Variants in TTLL7 observed in about 807,000 individuals in gnomAD.
TTLL7 encodes the protein tubulin tyrosine ligase like 7, also known as tubulin polyglutamylase TTLL7.
In TTLL7, 53 loss-of-function variants were observed where a neutral mutation model predicts 120.2. The observed-to-expected ratio is 0.44, with a 90% CI of 0.35 to 0.55. The LOEUF is 0.55. Ranked by LOEUF, TTLL7 falls within the 20% of genes least tolerant of loss-of-function variation. The probability of loss-of-function intolerance (pLI) is 0.00; values close to 1 mark genes in which losing one functional copy is unlikely to be tolerated. For synonymous variants in TTLL7, 353 were observed against 351.7 expected (o/e 1.00, Z -0.04); for missense variants, 803 against 1,054.7 (o/e 0.76, Z 3.31).
At chr1:83,899,683 G>A (rs758232737) in intron 18 of TTLL7, among the ~76,000 whole-genome samples, 3 of 151,720 alleles carry the variant, frequency 2.0e-5, no homozygotes, top group Admixed American at 6.6e-5. Context: ...CAAATACATC[G>A]CAAGCACAAA....
chr1:83,873,205 C>T lies in TTLL7; in HGVS notation c.2544-3123G>A, dbSNP rs369018634. 3.9e-5 allele frequency among the ~76,000 whole-genome samples: 6 copies of T among 152,110 alleles called. No homozygotes were observed. The South Asian group carries it at 8.3e-4, about 21-fold the overall frequency. On this transcript the variant is annotated intron_variant, in intron 20 of 20. Coordinates refer to ENST00000260505, the MANE Select transcript of TTLL7 (RefSeq NM_024686.6). ...TTTTATTAAGACTTGAAAAGAAGTT[C>T]GGCATGAACTAAAAAAAGCATATAA...
intron 9 of TTLL7, among the ~76,000 whole-genome samples, chr1:83,930,033 C>T (rs1365865725): frequency 1.3e-5 from 2 of 152,010 alleles, no homozygotes; most frequent in Admixed American, 6.6e-5. Flanking sequence ...ACATTATAAT[C>T]AAGAAATTAC....
chr1:83,992,884 C>G (rs1001372635), intron 1 of TTLL7, among the ~76,000 whole-genome samples: 1 of 144,074 alleles, frequency 6.9e-6, no homozygotes, highest in Non-Finnish European at 1.5e-5. Flanking sequence ...TGCAGACTGA[C>G]TGGTTCCAAA....
At chr1:83,934,816 A>G (rs1341349526) in intron 8 of TTLL7, among the ~76,000 whole-genome samples, 3 of 152,236 alleles carry the variant, frequency 2.0e-5, no homozygotes, top group Middle Eastern at 3.4e-3. Context: ...ATGTTGCTTA[A>G]ACTTTGTGTG....
At chr1:83,953,037 C>T (rs1649198969) in intron 1 of TTLL7, among the ~76,000 whole-genome samples, 1 of 152,114 alleles carries the variant, frequency 6.6e-6, no homozygotes, top group African/African-American at 2.4e-5. Context: ...AAGTAAACCA[C>T]ATCTTGAATT....
intron 18 of TTLL7, among the ~76,000 whole-genome samples, chr1:83,892,489 T>C (rs1655681656): frequency 7.1e-6 from 1 of 140,248 alleles, no homozygotes; most frequent in South Asian, 2.2e-4. Flanking sequence ...TGAATGAACA[T>C]ATATATGAAC....
intron 19 of TTLL7, among the ~76,000 whole-genome samples, chr1:83,884,020 A>G (rs925305743): frequency 1.3e-5 from 2 of 151,556 alleles, no homozygotes; most frequent in African/African-American, 4.8e-5. Context: ...GTAAACTTCA[A>G]TTTTGTGTGG....
intron 20 of TTLL7, 27 bp from the exon 21 acceptor site, chr1:83,870,109 T>C: frequency 1.3e-6 from 2 of 1,531,366 alleles, no homozygotes; most frequent in East Asian, 4.9e-5. Flanking sequence ...ACAAATTAGA[T>C]TTTTACAAGC....
At position 83,999,104 on chromosome 1, in the gene TTLL7, T is replaced by A. The variant is rs1406310272; in HGVS notation, c.-350A>T. 1 of 439,994 alleles carries A rather than the reference T, an allele frequency of 2.3e-6. No homozygotes were observed. The highest frequency in any genetic ancestry group is 4.5e-6 in the Non-Finnish European group (1 of 221,754). The allele number at this position is 439,994 out of a possible 1,614,324, so 27.3% of individuals were successfully genotyped here. A position where few individuals can be genotyped will look rare whatever the true frequency, so the allele number is the denominator to read the frequency against. On this transcript the variant is annotated 5_prime_UTR_variant, in exon 1 of 21. Transcript: ENST00000260505. Reference sequence around the variant, plus strand: ...GCCCGTGGCAGCCACGGCTCGGGACTCCGGTGCTCGACGCGGAGTGCCTGG... The same window carrying A: ...GCCCGTGGCAGCCACGGCTCGGGACACCGGTGCTCGACGCGGAGTGCCTGG...
rs998360514 is a variant in TTLL7 at position 83,998,957 on chromosome 1, C to T, written c.-203G>A. On this transcript the variant is annotated 5_prime_UTR_variant, in exon 1 of 21. Coordinates refer to ENST00000260505, the MANE Select transcript of TTLL7 (RefSeq NM_024686.6). ...CGGGTGAGGAAAGCCCAGCCCGGGT[C>T]CTCGCGTCCCCGCTGCAAGCGGTCC... The T allele has an allele frequency of 4.6e-6, 2 of 431,706 alleles. No homozygotes were observed. Among genetic ancestry groups the T allele is most frequent in the Non-Finnish European group, 9.2e-6 (2 of 216,536 alleles). 26.7% of individuals were successfully genotyped at this position (431,706 alleles called of 1,614,324 possible).
Position 83,920,907 on chromosome 1 carries a change from G to A in TTLL7, c.1364+180C>T, listed in dbSNP as rs535033479. ...CACCCAGAGGCTGGCTAGCAGGAGC[G>A]CTGTCAAGGCTGAACCATCTCCCTG... On this transcript the variant is annotated intron_variant, in intron 12 of 20. Transcript: ENST00000260505. Among the ~76,000 whole-genome samples the A allele has an allele frequency of 3.6e-4, 54 of 152,106 alleles. No individual in the cohort carries two copies. In the South Asian group the frequency reaches 6.0e-3, roughly 17 times the overall value.
At chr1:83,890,686 A>T (rs1655391742) in intron 18 of TTLL7, among the ~76,000 whole-genome samples, 1 of 144,560 alleles carries the variant, frequency 6.9e-6, no homozygotes, top group Non-Finnish European at 1.6e-5. Context: ...AGATGTGAAG[A>T]CTGCTTGAGC....
At chr1:83,985,543 G>A (rs1474749690) in intron 1 of TTLL7, among the ~76,000 whole-genome samples, 1 of 151,982 alleles carries the variant, frequency 6.6e-6, no homozygotes. Flanking sequence ...CAACCAAGTT[G>A]ACACCTAATA....
intron 3 of TTLL7, 45 bp from the exon 4 acceptor site, chr1:83,950,031 A>C (rs1233709738): frequency 2.0e-6 from 3 of 1,490,602 alleles, no homozygotes; most frequent in Non-Finnish European, 2.8e-6. Context: ...AATACTTCTG[A>C]AATATATTCA....
chr1:83,885,740 T>A (rs1654919323), intron 19 of TTLL7, among the ~76,000 whole-genome samples: 1 of 152,024 alleles, frequency 6.6e-6, no homozygotes, highest in African/African-American at 2.4e-5. Flanking sequence ...TATCCCCTAC[T>A]CCTACCTGCC....
chr1:83,971,409 T>C (rs2100570699), intron 1 of TTLL7, among the ~76,000 whole-genome samples: 1 of 152,290 alleles, frequency 6.6e-6, no homozygotes, highest in South Asian at 2.1e-4. Flanking sequence ...TGTAATTAAA[T>C]GCTTTGATAA....
chr1:83,959,086 G>C (rs2100878916), intron 1 of TTLL7, among the ~76,000 whole-genome samples: 1 of 152,308 alleles, frequency 6.6e-6, no homozygotes, highest in South Asian at 2.1e-4. Context: ...AATGTCTAAA[G>C]AGTTCCATGA....
rs779724900 is a variant in TTLL7, at chr1:83,949,898, C to A, written c.246G>T (p.Gln82His). The A allele has an allele frequency of 6.2e-7, 1 of 1,613,672 alleles. No homozygotes were observed. The highest frequency in any genetic ancestry group is 8.5e-7 in the Non-Finnish European group (1 of 1,179,910). Residue 82 changes from glutamine (Q) to histidine (H), a missense_variant, in exon 4 of 21, where the codon CAG becomes CAT. Physicochemically the swap from Gln to His is conservative, Grantham distance 24. Around this residue, in one of 3 missense-constraint regions of TTLL7, gnomAD observed 91 missense variants for 96.6 expected, o/e 0.94. Coordinates refer to ENST00000260505, the MANE Select transcript of TTLL7 (RefSeq NM_024686.6). ...TTTGCAGCTCTGAAATTTTCTCCTG[C>A]TGAACAGCAGAATCACACCATATAA... ...SNLIWCDSAV[Q>H]QEKISELQNY...
chr1:83,947,064 A>T, intron 6 of TTLL7, 60 bp downstream of exon 6: 1 of 1,402,390 alleles, frequency 7.1e-7, no homozygotes, highest in African/African-American at 1.5e-5. Context: ...ATGCACATTT[A>T]TTCTCCCCAC....
Sources: gnomAD v4.1 joint callset for allele counts (sites outside exome capture counted in the v4.1 genomes callset) on GRCh38, gnomAD v4.1.1 for gene constraint, gnomAD v4.1.1 regional missense constraint, MANE v1.5 for transcripts, NCBI Gene and HGNC (gene_info 2026-07-23, HGNC 2026-07-21) for gene names.